The following C14orf39 variants were observed in gnomAD, a reference collection of about 807,000 sequenced individuals.
The protein encoded by C14orf39 is chromosome 14 open reading frame 39.
C14orf39 carries 66 observed loss-of-function variants against 85.6 expected under a neutral mutation model. That is an observed-to-expected ratio of 0.77 (90% confidence interval 0.63 to 0.95). The LOEUF (loss-of-function observed/expected upper bound fraction) is 0.95. Ranked by LOEUF, C14orf39 falls within the 40% of genes least tolerant of loss-of-function variation. The pLI is 0.00. For synonymous variants in C14orf39, 242 were observed against 214.0 expected, an observed-to-expected ratio of 1.13 and a Z score of -1.14; for missense variants, 735 against 663.9, an observed-to-expected ratio of 1.11 and a Z score of -1.18.
At position 60,485,026 on chromosome 14, in the gene C14orf39, C is replaced by G; in HGVS notation, c.49+4G>C. 1 of 1,608,970 alleles carries G rather than the reference C, an allele frequency of 6.2e-7. No individual in the cohort carries two copies. The highest frequency in any genetic ancestry group is 8.5e-7 in the Non-Finnish European group (1 of 1,178,874). On this transcript the variant is annotated splice_donor_region_variant and intron_variant, in intron 2 of 17. Coordinates refer to ENST00000321731, the MANE Select transcript of C14orf39 (RefSeq NM_174978.3). ...AGCTACCTATTTTTTCACTTTATACCTACCAAATTCTAGCAAAAGTCTGTC... is the reference window on the plus strand; with the variant it reads ...AGCTACCTATTTTTTCACTTTATACGTACCAAATTCTAGCAAAAGTCTGTC...
chr14:60,514,374 A>C (rs1434586124), intron 1 of C14orf39, among the ~76,000 whole-genome samples: 2 of 152,230 alleles, frequency 1.3e-5, no homozygotes, highest in Non-Finnish European at 2.9e-5. Context: ...GCAGAGTGGA[A>C]AGAGCATTTT....
intron 7 of C14orf39, 40 bp downstream of exon 7, chr14:60,471,377 A>T: frequency 1.4e-6 from 2 of 1,385,582 alleles, no homozygotes; most frequent in Non-Finnish European, 2.0e-6. Flanking sequence ...AATAATGCTT[A>T]TCTAATAAAA....
At chr14:60,470,199 T>TGA (rs1892011571) in intron 7 of C14orf39, among the ~76,000 whole-genome samples, 1 of 151,822 alleles carries the variant, frequency 6.6e-6, no homozygotes, top group East Asian at 1.9e-4. Flanking sequence ...TTGGACTTTC[T>TGA]ACTTGAACTG....
At chr14:60,488,676 G>A (rs1892940294), upstream of C14orf39, among the ~76,000 whole-genome samples, 1 of 152,132 alleles carries the variant, frequency 6.6e-6, no homozygotes, top group Non-Finnish European at 1.5e-5. Flanking sequence ...CTAATAGGAA[G>A]CTTGTGTTTC....
At position 60,436,115 on chromosome 14, in the gene C14orf39, A is replaced by G. The variant is rs865998575; in HGVS notation, c.*730T>C. On this transcript the variant is annotated 3_prime_UTR_variant, in exon 18 of 18. Transcript: ENST00000321731. ...GACAAATACTGAACACAAAACATAA[A>G]GAAGAAATTTTTGTTATTGAAGGAG... is the stretch of plus-strand genomic sequence containing the variant. 6.6e-6 allele frequency: 1 copy of G among 152,194 alleles called. No individual in the cohort carries two copies. The allele number at this position is 152,194 out of a possible 1,614,324, so 9.4% of individuals were successfully genotyped here.
At chr14:60,501,337 C>A (rs1893144902) in intron 1 of C14orf39, among the ~76,000 whole-genome samples, 1 of 146,302 alleles carries the variant, frequency 6.8e-6, no homozygotes, top group African/African-American at 2.5e-5. Context: ...CAATCACATG[C>A]ATCCTTCTAA....
chr14:60,466,820 T>C, intron 10 of C14orf39, 97 bp downstream of exon 10: 1 of 993,624 alleles, frequency 1.0e-6, no homozygotes, highest in Admixed American at 3.8e-5. Context: ...AGTATTGTTT[T>C]TACTTACACC....
chr14:60,480,616 G>A (rs1440067327), intron 4 of C14orf39, among the ~76,000 whole-genome samples: 2 of 152,054 alleles, frequency 1.3e-5, no homozygotes, highest in South Asian at 4.1e-4. Context: ...TTCGTCCAAA[G>A]GAAACGAAAT....
intron 17 of C14orf39, among the ~76,000 whole-genome samples, chr14:60,440,007 G>A (rs1028267730): frequency 1.2e-4 from 18 of 152,082 alleles, no homozygotes; most frequent in South Asian, 4.1e-4. Context: ...CCCAGGAGGC[G>A]GAGGTTGCCG....
chr14:60,467,290 AAAT>A (rs200733779), intron 9 of C14orf39, among the ~76,000 whole-genome samples: 1,934 of 151,928 alleles, frequency 0.013, 18 homozygotes, highest in Middle Eastern at 0.027. Context: ...CTTATTTTTA[AAAT>A]ATAATCATTG....
intron 2 of C14orf39, chr14:60,495,307 C>T (rs959183904): frequency 5.0e-5 from 11 of 219,018 alleles, no homozygotes; most frequent in African/African-American, 2.1e-4. Flanking sequence ...GATTCCACTC[C>T]GTTGGAGGCC....
chr14:60,459,326 A>G (rs1891417205), intron 13 of C14orf39, among the ~76,000 whole-genome samples: 1 of 151,722 alleles, frequency 6.6e-6, no homozygotes, highest in Non-Finnish European at 1.5e-5. Context: ...TGTACAACCA[A>G]AGATATTATG....
At chr14:60,493,171 C>A (rs1287085151) in intron 2 of C14orf39, among the ~76,000 whole-genome samples, 44 of 152,190 alleles carry the variant, frequency 2.9e-4, no homozygotes, top group Non-Finnish European at 1.5e-4. Context: ...CAGCAACACA[C>A]ACATTGACTC....
intron 5 of C14orf39, 138 bp downstream of exon 5, chr14:60,478,162 G>C (rs546511251): frequency 2.2e-4 from 28 of 124,788 alleles, no homozygotes; most frequent in Admixed American, 1.1e-3. Context: ...CTGGGGGACA[G>C]AGCGAGACTC....
At chr14:60,459,843 T>C (rs1232496703) in intron 13 of C14orf39, among the ~76,000 whole-genome samples, 1 of 151,794 alleles carries the variant, frequency 6.6e-6, no homozygotes, top group Non-Finnish European at 1.5e-5. Flanking sequence ...TAGAAGTTCT[T>C]TACACATTTT....
intron 5 of C14orf39, among the ~76,000 whole-genome samples, chr14:60,476,779 C>T (rs967105505): frequency 5.9e-5 from 9 of 152,146 alleles, no homozygotes; most frequent in African/African-American, 1.9e-4. Flanking sequence ...CTGAAGCACA[C>T]TGCACAATTT....
chr14:60,510,115 C>T, intron 1 of C14orf39: 1 of 731,354 alleles, frequency 1.4e-6, no homozygotes, highest in Admixed American at 2.4e-5. Flanking sequence ...GCCCTGCGTT[C>T]TGGGCTCCTG....
At chr14:60,495,164 G>A (rs1035616337) in intron 2 of C14orf39, 5 of 197,608 alleles carry the variant, frequency 2.5e-5, no homozygotes, top group South Asian at 1.9e-4. Flanking sequence ...GTGTGGGCAC[G>A]GTAATGCATT....
chr14:60,509,261 C>G, intron 1 of C14orf39: 1 of 756,748 alleles, frequency 1.3e-6, no homozygotes. Flanking sequence ...GTTGAGCCAC[C>G]GCCGCCACCC....
Sources: gnomAD v4.1 joint callset for allele counts (sites outside exome capture counted in the v4.1 genomes callset) on GRCh38, gnomAD v4.1.1 for gene constraint, MANE v1.5 for transcripts, NCBI Gene and HGNC (gene_info 2026-07-23, HGNC 2026-07-21) for gene names.